Variants in GRIN3B observed in about 807,000 individuals in gnomAD.
The protein encoded by GRIN3B is glutamate ionotropic receptor NMDA type subunit 3B.
Under a neutral mutation model 66.0 loss-of-function variants are expected in GRIN3B, and 77 were observed. The ratio of observed to expected loss-of-function variants is 1.17; its 90% CI spans 0.97 to 1.41. The LOEUF (loss-of-function observed/expected upper bound fraction) is 1.41. GRIN3B is among the 40% of genes most tolerant of loss of function. The pLI is 0.00. For missense variants in GRIN3B, 1,787 were observed against 1,564.5 expected, an observed-to-expected ratio of 1.14 and a Z score of -2.40; for synonymous variants, 823 against 749.7, an observed-to-expected ratio of 1.10 and a Z score of -1.60.
intron 1 of GRIN3B, chr19:1,002,108 A>T (rs2038689531): frequency 1.3e-5 from 2 of 152,248 alleles, no homozygotes; most frequent in African/African-American, 4.8e-5. Flanking sequence ...GTGGGAGGAC[A>T]GCTTGAGCTC....
chr19:1,009,094 C>T, intron 8 of GRIN3B, 79 bp from the exon 9 acceptor site: 1 of 1,445,664 alleles, frequency 6.9e-7, no homozygotes, highest in Non-Finnish European at 9.1e-7. Flanking sequence ...CCATCCTCTG[C>T]CGTCAGCGGC....
chr19:1,000,588 G>C lies in GRIN3B; in HGVS notation c.151G>C (p.Ala51Pro). Residue 51 changes from alanine to proline, a missense_variant, in exon 1 of 9, where the codon GCC becomes CCC. Coordinates refer to ENST00000234389, the MANE Select transcript of GRIN3B (RefSeq NM_138690.3). Reference sequence around the variant, plus strand: ...CCTGCCCCGCGCGCCTCTCGCCCGCGCCCGCGCCCGCGCCGCCCTGGCCCG... The same window carrying C: ...CCTGCCCCGCGCGCCTCTCGCCCGCCCCCGCGCCCGCGCCGCCCTGGCCCG... Reference protein sequence around the residue: ...ALLPRAPLARARARAALARAA... With the variant: ...ALLPRAPLARPRARAALARAA... 1 of 1,020,844 alleles carries C rather than the reference G, an allele frequency of 9.8e-7. No homozygotes were observed. Among genetic ancestry groups the C allele is most frequent in the Non-Finnish European group, 1.2e-6 (1 of 856,268 alleles). The allele number at this position is 1,020,844 out of a possible 1,614,324, so 63.2% of individuals were successfully genotyped here.
rs1481398837 is a variant in GRIN3B, at chr19:1,009,312, G to A, written c.2842G>A (p.Ala948Thr). The change falls in exon 9 of 9, where the codon GCG (alanine) becomes ACG (threonine). Residue 948 changes from alanine to threonine, a missense_variant. By Grantham distance (58) the Ala-to-Thr change is moderately conservative. Transcript: ENST00000234389. The part of the protein sequence containing the change: ...LEPAVVVAPE[A>T]DAEAEAAPRE... ...GCCCGCCGTGGTTGTGGCACCCGAA[G>A]CGGACGCGGAGGCGGAGGCTGCGCC... 5 of 1,407,442 alleles carry A rather than the reference G, an allele frequency of 3.6e-6. No homozygotes were observed. The East Asian group carries it at 8.9e-5, about 25-fold the overall frequency. The allele number at this position is 1,407,442 out of a possible 1,614,324, so 87.2% of individuals were successfully genotyped here.
chr19:1,004,932 C>T lies in GRIN3B; in HGVS notation c.1431C>T (p.Tyr477=), dbSNP rs746574979. 124 of 1,612,012 alleles carry T rather than the reference C, an allele frequency of 7.7e-5. 1 individual carries two copies. The East Asian group carries it at 1.1e-3, about 14-fold the overall frequency. Reference sequence around the variant, plus strand: ...CCCGTGCCCTGCGCAAGTGCTGCTACGGCTACTGCATTGACCTGCTGGAGC... The same window carrying T: ...CCCGTGCCCTGCGCAAGTGCTGCTATGGCTACTGCATTGACCTGCTGGAGC... ...SAPRALRKCC[Y]GYCIDLLERL... Residue 477 remains tyrosine, a synonymous_variant, in exon 3 of 9, where the codon TAC becomes TAT. Coordinates refer to ENST00000234389, the MANE Select transcript of GRIN3B (RefSeq NM_138690.3).
rs2038707272 is a variant in GRIN3B, at chr19:1,003,585, T to C, written c.882T>C (p.His294=). 8.8e-6 allele frequency: 13 copies of C among 1,484,032 alleles called. No individual in the cohort carries two copies. The highest frequency in any genetic ancestry group is 1.2e-5 in the Non-Finnish European group (13 of 1,122,706). The allele number at this position is 1,484,032 out of a possible 1,614,324, so 91.9% of individuals were successfully genotyped here. The part of the protein sequence containing the change: ...VARPPLEAAI[H]DIVQLVARAL... ...GACCCCCGCTGGAGGCCGCCATCCA[T>C]GACATTGTGCAACTGGTGGCCCGGG... The change falls in exon 2 of 9, where the codon CAT becomes CAC. Residue 294 remains histidine, a synonymous_variant. Transcript: ENST00000234389.
At position 1,000,675 on chromosome 19, in the gene GRIN3B, C is replaced by G; in HGVS notation, c.238C>G (p.Pro80Ala). Reference protein sequence around the residue: ...LSLELVVAAPPARDPASLTRG... With the variant: ...LSLELVVAAPAARDPASLTRG... ...CTTGGAGCTGGTGGTCGCCGCGCCC[C>G]CCGCCCGCGACCCCGCCTCGCTGAC... Residue 80 changes from proline (P) to alanine (A), a missense_variant, in exon 1 of 9, where the codon CCC becomes GCC. Pro to Ala is a conservative substitution (Grantham distance 27, BLOSUM62 -1). Coordinates refer to ENST00000234389, the MANE Select transcript of GRIN3B (RefSeq NM_138690.3). 1 of 1,345,032 alleles carries G rather than the reference C, an allele frequency of 7.4e-7. No homozygotes were observed. Among genetic ancestry groups the G allele is most frequent in the Non-Finnish European group, 9.6e-7 (1 of 1,045,862 alleles). 83.3% of individuals were successfully genotyped at this position (1,345,032 alleles called of 1,614,324 possible). A position where few individuals can be genotyped will look rare whatever the true frequency, so the allele number is the denominator to read the frequency against.
rs1239163745 is a variant in GRIN3B, at chr19:1,005,570, G to A, written c.2052+17G>A. On this transcript the variant is annotated intron_variant, in intron 3 of 8. Transcript: ENST00000234389. The surrounding 1 kb of genome is among the most constrained non-coding windows in gnomAD (Gnocchi z 5.2). ...GACCCCAAGGTGGGCGGCCTCGGGG[G>A]GCTGCGGGTGGCCTTGGGGGGCTAG... 2 of 1,538,054 alleles carry A rather than the reference G, an allele frequency of 1.3e-6. No homozygotes were observed. The highest frequency in any genetic ancestry group is 1.2e-5 in the South Asian group (1 of 81,226).
At position 1,007,997 on chromosome 19, in the gene GRIN3B, G is replaced by A; in HGVS notation, c.2314+26G>A. On this transcript the variant is annotated intron_variant, in intron 5 of 8. Coordinates refer to ENST00000234389, the MANE Select transcript of GRIN3B (RefSeq NM_138690.3). This position sits in a 1 kb window ranked among gnomAD's most constrained non-coding sequence, Gnocchi z 4.4. ...GTGAGAGGCACCTGGGCGAGGCGGG[G>A]CGCCGGGGTCTCTGGGGACCTCCTG... The A allele has an allele frequency of 6.2e-7, 1 of 1,606,752 alleles. No individual in the cohort carries two copies. The highest frequency in any genetic ancestry group is 1.3e-5 in the African/African-American group (1 of 74,930).
chr19:1,006,113 G>A (rs2038745913), intron 3 of GRIN3B, among the ~76,000 whole-genome samples: 1 of 152,092 alleles, frequency 6.6e-6, no homozygotes, highest in African/African-American at 2.4e-5. Flanking sequence ...GCCTCCCAAA[G>A]TGCTGGGATT....
At position 1,007,521 on chromosome 19, in the gene GRIN3B, G is replaced by A. The variant is rs2145540120; in HGVS notation, c.2053-107G>A. 1 of 1,275,166 alleles carries A rather than the reference G, an allele frequency of 7.8e-7. No individual in the cohort carries two copies. The highest frequency in any genetic ancestry group is 1.0e-6 in the Non-Finnish European group (1 of 993,676). The allele number at this position is 1,275,166 out of a possible 1,614,324, so 79.0% of individuals were successfully genotyped here. On this transcript the variant is annotated intron_variant, in intron 3 of 8. Coordinates refer to ENST00000234389, the MANE Select transcript of GRIN3B (RefSeq NM_138690.3). The surrounding 1 kb of genome is among the most constrained non-coding windows in gnomAD (Gnocchi z 4.4). ...GGGTGGAGGCCAGGAATGCAGCCTC[G>A]GCGCCCTGCAGTGCCCAGGACGGCC...
chr19:1,009,611 C>CTGTCTCTTATACA lies in GRIN3B; in HGVS notation c.*9_*10insTGTCTCTTATACA. 1 of 1,419,828 alleles carries CTGTCTCTTATACA rather than the reference C, an allele frequency of 7.0e-7. No individual in the cohort carries two copies. The highest frequency in any genetic ancestry group is 9.2e-7 in the Non-Finnish European group (1 of 1,092,350). The allele number at this position is 1,419,828 out of a possible 1,614,324, so 88.0% of individuals were successfully genotyped here. On this transcript the variant is annotated 3_prime_UTR_variant, in exon 9 of 9. Coordinates refer to ENST00000234389, the MANE Select transcript of GRIN3B (RefSeq NM_138690.3). The stretch of plus-strand genomic sequence containing the variant: ...CGGGGAGCCAGGAATGAGGCGGCAG[C>CTGTCTCTTATACA]CGGGCCGTTTGGGCTCAAGACACAC...
In GRIN3B at chr19:1,003,664, G is replaced by C; in HGVS notation, c.961G>C (p.Val321Leu). The C allele has an allele frequency of 7.1e-7, 1 of 1,411,244 alleles. No homozygotes were observed. The highest frequency in any genetic ancestry group is 1.5e-5 in the South Asian group (1 of 65,876). 87.4% of individuals were successfully genotyped at this position (1,411,244 alleles called of 1,614,324 possible). Residue 321 changes from valine to leucine, a missense_variant, in exon 2 of 9, where the codon GTC becomes CTC. Coordinates refer to ENST00000234389, the MANE Select transcript of GRIN3B (RefSeq NM_138690.3). ...QPKRALLPAP[V>L]NCGDLQPAGP... Reference sequence around the variant, plus strand: ...GAAGCGAGCCCTCCTCCCCGCCCCGGTCAACTGCGGGGACCTGCAGCCGGC... The same window carrying C: ...GAAGCGAGCCCTCCTCCCCGCCCCGCTCAACTGCGGGGACCTGCAGCCGGC...
chr19:1,008,911 G>A lies in GRIN3B; in HGVS notation c.2686G>A (p.Ala896Thr). 1 of 1,609,156 alleles carries A rather than the reference G, an allele frequency of 6.2e-7. No homozygotes were observed. Among genetic ancestry groups the A allele is most frequent in the Non-Finnish European group, 8.5e-7 (1 of 1,178,180 alleles). Reference protein sequence around the residue: ...EPPEGSKEETAEAEPSGPEVE... With the variant: ...EPPEGSKEETTEAEPSGPEVE... ...ACCAGAGGGGTCGAAGGAGGAGACGGCAGAGGCGGAGCCCAGGTAAGTGGT... is the reference window on the plus strand; with the variant it reads ...ACCAGAGGGGTCGAAGGAGGAGACGACAGAGGCGGAGCCCAGGTAAGTGGT... Residue 896 changes from alanine (A) to threonine (T), a missense_variant, in exon 8 of 9, where the codon GCA (alanine) becomes ACA (threonine). Ala to Thr is a moderately conservative substitution (Grantham distance 58, BLOSUM62 0). Coordinates refer to ENST00000234389, the MANE Select transcript of GRIN3B (RefSeq NM_138690.3).
At chr19:1,008,428 C>CA in intron 6 of GRIN3B, 137 bp downstream of exon 6, 1 of 1,051,196 alleles carries the variant, frequency 9.5e-7, no homozygotes, top group Non-Finnish European at 1.4e-6. Context: ...ATTCACCCTA[C>CA]AAAACCCCGG....
Position 1,008,678 on chromosome 19 carries a change from G to A in GRIN3B, c.2527G>A (p.Gly843Ser). The A allele has an allele frequency of 6.2e-7, 1 of 1,605,886 alleles. No homozygotes were observed. ...CTTCGTGTTGCTGTGCCTGGGCCTG[G>A]GCAGCGCTCTGCTCAGCTCGCTGGG... ...GLFVLLCLGL[G>S]SALLSSLGEH... Residue 843 changes from glycine (G) to serine (S), a missense_variant, in exon 7 of 9, where the codon GGC becomes AGC. Physicochemically the swap from Gly to Ser is moderately conservative, Grantham distance 56 (BLOSUM62 0). Coordinates refer to ENST00000234389, the MANE Select transcript of GRIN3B (RefSeq NM_138690.3).
In GRIN3B at chr19:1,004,499, ACCCC is replaced by A; in HGVS notation, c.1020-17_1020-14del. 2.0e-6 allele frequency: 3 copies of A among 1,526,564 alleles called. No individual in the cohort carries two copies. The highest frequency in any genetic ancestry group is 1.8e-6 in the Non-Finnish European group (2 of 1,128,572). The allele number at this position is 1,526,564 out of a possible 1,614,324, so 94.6% of individuals were successfully genotyped here. A position where few individuals can be genotyped will look rare whatever the true frequency, so the allele number is the denominator to read the frequency against. On this transcript the variant is annotated intron_variant, in intron 2 of 8. Coordinates refer to ENST00000234389, the MANE Select transcript of GRIN3B (RefSeq NM_138690.3). ...AGGGGTGTGAACTTCGACACCTGAC[ACCCC>A]CCCCGCCCTGCCCCTAGGTTCCTGG... is the stretch of plus-strand genomic sequence containing the variant.
Position 1,008,877 on chromosome 19 carries a change from C to T in GRIN3B, c.2652C>T (p.Asn884=). The T allele has an allele frequency of 6.2e-7, 1 of 1,610,518 alleles. No individual in the cohort carries two copies. The highest frequency in any genetic ancestry group is 1.1e-5 in the South Asian group (1 of 90,800). The change falls in exon 8 of 9, where the codon AAC becomes AAT. Residue 884 remains asparagine (N), a synonymous_variant. Coordinates refer to ENST00000234389, the MANE Select transcript of GRIN3B (RefSeq NM_138690.3). The part of the protein sequence containing the change: ...HTSQKIHRAL[N]TEPPEGSKEE... Reference sequence around the variant, plus strand: ...CTTAGAAAATCCACCGCGCCCTCAACACGGAGCCACCAGAGGGGTCGAAGG... The same window carrying T: ...CTTAGAAAATCCACCGCGCCCTCAATACGGAGCCACCAGAGGGGTCGAAGG...
intron 1 of GRIN3B, chr19:1,001,910 TG>T (rs2038688126): frequency 6.6e-6 from 1 of 152,186 alleles, no homozygotes; most frequent in Admixed American, 6.5e-5. Flanking sequence ...GGGACTGGCT[TG>T]GCCCCCTGGG....
At chr19:1,001,027 G>A (rs533962358) in intron 1 of GRIN3B, among the ~76,000 whole-genome samples, 164 bp downstream of exon 1, 2 of 152,242 alleles carry the variant, frequency 1.3e-5, no homozygotes, top group South Asian at 4.1e-4. Context: ...GGAAGACCCG[G>A]GTGTCCCCGG....
Sources: gnomAD v4.1 joint callset for allele counts (sites outside exome capture counted in the v4.1 genomes callset) on GRCh38, gnomAD v4.1.1 for gene constraint, Gnocchi (gnomAD v3.1) non-coding constraint, MANE v1.5 for transcripts, NCBI Gene and HGNC (gene_info 2026-07-23, HGNC 2026-07-21) for gene names.